CADM2: variants seen among roughly 807,000 people sequenced by gnomAD.
The protein encoded by CADM2 is cell adhesion molecule 2.
In CADM2, 12 loss-of-function variants were observed where a neutral mutation model predicts 49.8. The ratio of observed to expected loss-of-function variants is 0.24; its 90% confidence interval spans 0.15 to 0.39. The LOEUF (loss-of-function observed/expected upper bound fraction) is 0.39, where lower values mean the gene tolerates loss of function less well. Among genes scored for constraint, CADM2 ranks in the 10% least tolerant of loss-of-function variants. The pLI is 1.00. For synonymous variants in CADM2, 214 were observed against 175.4 expected (o/e 1.22, Z -1.74); for missense variants, 378 against 492.3 (o/e 0.77, Z 2.20).
intron 3 of CADM2, among the ~76,000 whole-genome samples, chr3:85,867,074 T>G (rs1477670608): frequency 1.3e-5 from 2 of 152,148 alleles, no homozygotes; most frequent in African/African-American, 2.4e-5. Flanking sequence ...ATTCCCTTAT[T>G]ATTATTTTTA....
At chr3:85,537,465 G>A (rs148452058) in intron 1 of CADM2, among the ~76,000 whole-genome samples, 1 of 147,338 alleles carries the variant, frequency 6.8e-6, no homozygotes, top group Non-Finnish European at 1.5e-5. Context: ...AGGCTGATTG[G>A]TCAAGTACAA....
intron 1 of CADM2, among the ~76,000 whole-genome samples, chr3:85,566,429 A>G (rs563523969): frequency 1.3e-5 from 2 of 152,152 alleles, no homozygotes; most frequent in Non-Finnish European, 2.9e-5. Context: ...AGCAACCTAC[A>G]TAACACATTA....
chr3:85,028,945 A>ATTT (rs10689782), intron 1 of CADM2, among the ~76,000 whole-genome samples: 111,043 of 150,336 alleles, frequency 0.74, 42,324 homozygotes, highest in African/African-American at 0.92. Flanking sequence ...ATACTGTTTT[A>ATTT]CCGAAATAAA....
intron 2 of CADM2, among the ~76,000 whole-genome samples, chr3:85,764,001 G>A (rs1354610045): frequency 2.0e-5 from 3 of 152,036 alleles, no homozygotes; most frequent in Admixed American, 6.6e-5. Context: ...AATTTGGTAC[G>A]ATTTTATAAT....
At chr3:85,676,418 A>T (rs1456021516) in intron 1 of CADM2, among the ~76,000 whole-genome samples, 2 of 152,158 alleles carry the variant, frequency 1.3e-5, no homozygotes, top group Non-Finnish European at 2.9e-5. Flanking sequence ...TATTAATTTA[A>T]AGTGTAATCC....
Position 85,900,149 on chromosome 3 carries a change from C to T in CADM2, c.530-12224C>T, listed in dbSNP as rs1261706720. Among the ~76,000 whole-genome samples, 5 of 152,248 alleles carry T rather than the reference C, an allele frequency of 3.3e-5. No individual in the cohort carries two copies. In the East Asian group the frequency reaches 9.6e-4, roughly 29 times the overall value. ...TTTCCATCTCTAAGAGATCATTTTTCATTATGATGTTCAATTGTTTTAAAA... is the reference window on the plus strand; with the variant it reads ...TTTCCATCTCTAAGAGATCATTTTTTATTATGATGTTCAATTGTTTTAAAA... On this transcript the variant is annotated intron_variant, in intron 5 of 9. Coordinates refer to ENST00000383699, the MANE Select transcript of CADM2 (RefSeq NM_001167675.2).
At chr3:84,984,844 C>A (rs1483418137) in intron 1 of CADM2, among the ~76,000 whole-genome samples, 2 of 152,140 alleles carry the variant, frequency 1.3e-5, no homozygotes, top group African/African-American at 2.4e-5. Flanking sequence ...AGCCTTTACA[C>A]ATGCCAAACA....
At chr3:85,283,166 T>A (rs2043546466) in intron 1 of CADM2, among the ~76,000 whole-genome samples, 1 of 152,078 alleles carries the variant, frequency 6.6e-6, no homozygotes, top group African/African-American at 2.4e-5. Context: ...CAAATTATTA[T>A]AATTTATATT....
intron 1 of CADM2, among the ~76,000 whole-genome samples, chr3:84,992,225 T>A (rs961423076): frequency 2.0e-5 from 3 of 152,186 alleles, no homozygotes; most frequent in African/African-American, 7.2e-5. Flanking sequence ...TACCTTCAGC[T>A]CAATATTGCT....
intron 1 of CADM2, among the ~76,000 whole-genome samples, chr3:85,005,876 A>C (rs2033693165): frequency 6.6e-6 from 1 of 152,136 alleles, no homozygotes; most frequent in African/African-American, 2.4e-5. Flanking sequence ...CTCAACTTAA[A>C]GTGGGATTCA....
At chr3:85,721,347 G>T (rs1175873786) in intron 1 of CADM2, among the ~76,000 whole-genome samples, 1 of 152,234 alleles carries the variant, frequency 6.6e-6, no homozygotes, top group East Asian at 1.9e-4. Context: ...TTGGGGTGTC[G>T]TTTTTCTGGT....
intron 1 of CADM2, among the ~76,000 whole-genome samples, chr3:85,686,983 T>C (rs1271494920): frequency 6.6e-6 from 1 of 152,170 alleles, no homozygotes; most frequent in African/African-American, 2.4e-5. Flanking sequence ...CTTGGGCACA[T>C]GTGTTCAGGA....
At chr3:85,656,395 T>A (rs1006170264) in intron 1 of CADM2, among the ~76,000 whole-genome samples, 10 of 152,158 alleles carry the variant, frequency 6.6e-5, no homozygotes, top group Middle Eastern at 3.4e-3. Context: ...GGCGGGCAGA[T>A]CATGAGGTTA....
At chr3:85,554,279 G>A (rs1012765224) in intron 1 of CADM2, among the ~76,000 whole-genome samples, 9 of 152,144 alleles carry the variant, frequency 5.9e-5, no homozygotes, top group African/African-American at 2.2e-4. Flanking sequence ...GCTCCTATGA[G>A]AATCTAATGC....
chr3:85,134,714 C>T (rs1415395408), intron 1 of CADM2, among the ~76,000 whole-genome samples: 2 of 151,754 alleles, frequency 1.3e-5, no homozygotes, highest in African/African-American at 4.8e-5. Context: ...ATCGATTGTC[C>T]ACCAAAGATT....
intron 1 of CADM2, among the ~76,000 whole-genome samples, chr3:85,550,435 T>A (rs1171596941): frequency 6.6e-6 from 1 of 152,126 alleles, no homozygotes; most frequent in Non-Finnish European, 1.5e-5. Flanking sequence ...CTGCTACAAT[T>A]GCGAATTCTC....
intron 1 of CADM2, among the ~76,000 whole-genome samples, chr3:85,294,955 T>C (rs1254336522): frequency 6.6e-6 from 1 of 152,050 alleles, no homozygotes; most frequent in Non-Finnish European, 1.5e-5. Context: ...CAAATTAAAC[T>C]CAAGAGCTTC....
intron 2 of CADM2, among the ~76,000 whole-genome samples, chr3:85,742,822 A>T (rs1321930417): frequency 6.6e-6 from 1 of 152,188 alleles, no homozygotes; most frequent in Non-Finnish European, 1.5e-5. Flanking sequence ...TTTCCAGTGG[A>T]GCTTGCTGGA....
rs566736121 is a variant in CADM2 at position 85,106,699 on chromosome 3, CGTAGCCTTGCCTGATCAGG to C, written c.61+147033_61+147051del. Among the ~76,000 whole-genome samples, 564 of 152,134 alleles carry C rather than the reference CGTAGCCTTGCCTGATCAGG, an allele frequency of 3.7e-3. 5 individuals carry two copies. Among genetic ancestry groups the C allele is most frequent in the African/African-American group, 0.013 (533 of 41,490 alleles). On this transcript the variant is annotated intron_variant, in intron 1 of 9. Coordinates refer to ENST00000383699, the MANE Select transcript of CADM2 (RefSeq NM_001167675.2). ...ATTAATTAAAACAAGTACGGGGAAA[CGTAGCCTTGCCTGATCAGG>C]GAAAATGTGATGGCAGTGAATTCTA... is the stretch of plus-strand genomic sequence containing the variant.
Sources: gnomAD v4.1 joint callset for allele counts (sites outside exome capture counted in the v4.1 genomes callset) on GRCh38, gnomAD v4.1.1 for gene constraint, MANE v1.5 for transcripts, NCBI Gene and HGNC (gene_info 2026-07-23, HGNC 2026-07-21) for gene names.